Variants in PRMT8 observed in about 807,000 individuals in gnomAD.
PRMT8 encodes the protein protein arginine N-methyltransferase 8.
Under a neutral mutation model 47.1 loss-of-function variants are expected in PRMT8, and 7 were observed. The observed-to-expected ratio is 0.15, with a 90% CI of 0.08 to 0.28. The LOEUF is 0.28. Among genes scored for constraint, PRMT8 ranks in the 10% least tolerant of loss-of-function variants. PRMT8 has a pLI of 1.00. For missense variants in PRMT8, 237 were observed against 505.4 expected (o/e 0.47, Z 5.09); for synonymous variants, 188 against 186.5 (o/e 1.01, Z -0.07).
intron 1 of PRMT8, among the ~76,000 whole-genome samples, chr12:3,382,865 T>G (rs1263981210): frequency 6.6e-6 from 1 of 152,204 alleles, no homozygotes; most frequent in African/African-American, 2.4e-5. Context: ...CCATGATACA[T>G]TTTGAGTTAA....
At chr12:3,461,052 A>G (rs1231949917) in intron 1 of PRMT8, among the ~76,000 whole-genome samples, 1 of 152,150 alleles carries the variant, frequency 6.6e-6, no homozygotes, top group Non-Finnish European at 1.5e-5. Flanking sequence ...GTGCTGGTGC[A>G]GGCAGTTTTC....
chr12:3,554,778 G>A (rs968658980), intron 4 of PRMT8, among the ~76,000 whole-genome samples: 4 of 152,158 alleles, frequency 2.6e-5, no homozygotes, highest in Non-Finnish European at 4.4e-5. Flanking sequence ...CAAGTCCGAG[G>A]CACCGAGGAG....
chr12:3,399,463 C>A (rs1325795584), intron 1 of PRMT8, among the ~76,000 whole-genome samples: 1 of 152,126 alleles, frequency 6.6e-6, no homozygotes, highest in Non-Finnish European at 1.5e-5. Flanking sequence ...GGAGAATAAC[C>A]AGTATTCCTC....
intron 1 of PRMT8, among the ~76,000 whole-genome samples, chr12:3,444,879 G>C (rs1218309207): frequency 6.6e-6 from 1 of 152,206 alleles, no homozygotes; most frequent in African/African-American, 2.4e-5. Context: ...AACCCCACCC[G>C]GGGCTATGGC....
At chr12:3,548,482 G>A (rs1866364167) in intron 2 of PRMT8, among the ~76,000 whole-genome samples, 1 of 152,094 alleles carries the variant, frequency 6.6e-6, no homozygotes, top group Non-Finnish European at 1.5e-5. Context: ...AATTCAGTAA[G>A]AACAAGACAA....
chr12:3,435,072 G>A (rs572649962), intron 1 of PRMT8, among the ~76,000 whole-genome samples: 5 of 150,626 alleles, frequency 3.3e-5, no homozygotes, highest in African/African-American at 7.3e-5. Context: ...GGGTTCAAGC[G>A]ATTCTCCTGC....
In PRMT8 at chr12:3,393,567, G is replaced by A. The variant is rs370646462; in HGVS notation, c.48+12125G>A. Among the ~76,000 whole-genome samples, 83 of 151,618 alleles carry A rather than the reference G, an allele frequency of 5.5e-4. No individual in the cohort carries two copies. In the East Asian group the frequency reaches 6.6e-3, roughly 12 times the overall value. ...CTGAGGGCTCTGTTCTGTTCCATTG[G>A]TCTATATCTCTGTTTTGGTACCAGT... On this transcript the variant is annotated intron_variant, in intron 1 of 9. Transcript: ENST00000452611.
In PRMT8 at chr12:3,535,602, G is replaced by A. The variant is rs185893238; in HGVS notation, c.76-5004G>A. The stretch of plus-strand genomic sequence containing the variant: ...AGAACCCAACAGGACAAGGCTGGAG[G>A]CGATGGTGCAGAAACAGGTACCAGA... On this transcript the variant is annotated intron_variant, in intron 1 of 9. Transcript: ENST00000382622. The surrounding 1 kb of genome is among the most constrained non-coding windows in gnomAD (Gnocchi z 4.7). 6.6e-5 allele frequency among the ~76,000 whole-genome samples: 10 copies of A among 152,262 alleles called. 1 individual carries two copies. The highest frequency in any genetic ancestry group is 6.5e-4 in the Admixed American group (10 of 15,306).
rs1268934785 is a variant in PRMT8, at chr12:3,514,359, G to A, written c.75+22659G>A. 6.6e-6 allele frequency among the ~76,000 whole-genome samples: 1 copy of A among 152,104 alleles called. No homozygotes were observed. Among genetic ancestry groups the A allele is most frequent in the African/African-American group, 2.4e-5 (1 of 41,416 alleles). ...ACCAGGACCCTCTGGCTCACCTTGT[G>A]GGGGATGCCAGCACCAGATTGCTGT... On this transcript the variant is annotated intron_variant, in intron 1 of 9. Coordinates refer to ENST00000382622, the MANE Select transcript of PRMT8 (RefSeq NM_019854.5). The surrounding 1 kb of genome is among the most constrained non-coding windows in gnomAD (Gnocchi z 5.9).
chr12:3,491,844 G>T, intron 1 of PRMT8, 144 bp downstream of exon 1: 1 of 185,852 alleles, frequency 5.4e-6, no homozygotes, highest in Non-Finnish European at 9.3e-6. Flanking sequence ...GTGTGTGTGT[G>T]TGTGTGTGTG....
intron 1 of PRMT8, among the ~76,000 whole-genome samples, chr12:3,481,248 C>G (rs768137477): frequency 6.6e-5 from 10 of 152,208 alleles, no homozygotes; most frequent in Admixed American, 5.9e-4. Flanking sequence ...CTCTCCTCCC[C>G]CAAGGCTTCC....
intron 1 of PRMT8, among the ~76,000 whole-genome samples, chr12:3,459,093 T>C (rs1296676638): frequency 6.6e-6 from 1 of 152,208 alleles, no homozygotes; most frequent in African/African-American, 2.4e-5. Context: ...CCATTGTTCA[T>C]CCAGATTCCT....
At chr12:3,387,167 C>T (rs926157199) in intron 1 of PRMT8, among the ~76,000 whole-genome samples, 9 of 152,208 alleles carry the variant, frequency 5.9e-5, no homozygotes, top group Non-Finnish European at 1.2e-4. Context: ...ACTATACATG[C>T]AATAGGGCCT....
chr12:3,399,602 A>G (rs1864297220), intron 1 of PRMT8, among the ~76,000 whole-genome samples: 1 of 152,174 alleles, frequency 6.6e-6, no homozygotes, highest in African/African-American at 2.4e-5. Context: ...ACCTGAAATG[A>G]TGTCCTTGGA....
intron 3 of PRMT8, chr12:3,551,755 C>T (rs1257036406): frequency 6.6e-6 from 1 of 152,286 alleles, no homozygotes; most frequent in African/African-American, 2.4e-5. Flanking sequence ...CCCCTTCCAC[C>T]CACTGCTGTC....
intron 1 of PRMT8, among the ~76,000 whole-genome samples, chr12:3,405,114 G>A (rs1330570844): frequency 3.3e-5 from 5 of 152,132 alleles, no homozygotes; most frequent in Non-Finnish European, 5.9e-5. Context: ...GCATGGCTGG[G>A]GAGGCCTCAG....
At chr12:3,589,982 C>T (rs1301767881) in intron 8 of PRMT8, among the ~76,000 whole-genome samples, 1 of 152,180 alleles carries the variant, frequency 6.6e-6, no homozygotes, top group Non-Finnish European at 1.5e-5. Flanking sequence ...TGACAGTCTC[C>T]ACACATAACC....
rs1482997541 is a variant in PRMT8 at position 3,493,995 on chromosome 12, C to T, written c.75+2295C>T. 6.6e-6 allele frequency among the ~76,000 whole-genome samples: 1 copy of T among 152,214 alleles called. No individual in the cohort carries two copies. Among genetic ancestry groups the T allele is most frequent in the Non-Finnish European group, 1.5e-5 (1 of 68,032 alleles). On this transcript the variant is annotated intron_variant, in intron 1 of 9. Coordinates refer to ENST00000382622, the MANE Select transcript of PRMT8 (RefSeq NM_019854.5). This position sits in a 1 kb window ranked among gnomAD's most constrained non-coding sequence, Gnocchi z 8.2. ...AGGCAGCGTGACAATCACTTGGTTT[C>T]CCTCCAGGAACTGGCTGTTTTTGGA...
Position 3,572,475 on chromosome 12 carries a change from C to T in PRMT8, c.712+2911C>T, listed in dbSNP as rs181212876. 1.9e-4 allele frequency among the ~76,000 whole-genome samples: 29 copies of T among 152,286 alleles called. No individual in the cohort carries two copies. Among genetic ancestry groups the T allele is most frequent in the Admixed American group, 8.5e-4 (13 of 15,300 alleles). ...TGCTGAGAATGAGAGAGATGGGCAC[C>T]AGTTTCTTGGCTGATGAGAAGACTG... On this transcript the variant is annotated intron_variant, in intron 6 of 9. Coordinates refer to ENST00000382622, the MANE Select transcript of PRMT8 (RefSeq NM_019854.5). The surrounding 1 kb of genome is among the most constrained non-coding windows in gnomAD (Gnocchi z 5.9).
Sources: gnomAD v4.1 joint callset for allele counts (sites outside exome capture counted in the v4.1 genomes callset) on GRCh38, gnomAD v4.1.1 for gene constraint, Gnocchi (gnomAD v3.1) non-coding constraint, MANE v1.5 for transcripts, NCBI Gene and HGNC (gene_info 2026-07-23, HGNC 2026-07-21) for gene names.